The following DNAH11 variants were observed in gnomAD, a reference collection of about 807,000 sequenced individuals.
DNAH11 encodes the protein dynein axonemal heavy chain 11, also known as axonemal beta dynein heavy chain 11.
In DNAH11, 442 loss-of-function variants were observed where a neutral mutation model predicts 526.0. The ratio of observed to expected loss-of-function variants is 0.84; its 90% confidence interval spans 0.78 to 0.91. The LOEUF (loss-of-function observed/expected upper bound fraction) is 0.91, where lower values mean the gene tolerates loss of function less well. Among genes scored for constraint, DNAH11 ranks in the 40% least tolerant of loss-of-function variants. DNAH11 has a pLI of 0.00. For synonymous variants in DNAH11, 2,461 were observed against 1,935.9 expected (o/e 1.27, Z -7.12); for missense variants, 6,989 against 5,448.7 (o/e 1.28, Z -8.90).
intron 25 of DNAH11, among the ~76,000 whole-genome samples, chr7:21,634,975 CAAA>C (rs988585529): frequency 2.0e-5 from 3 of 151,906 alleles, no homozygotes; most frequent in Non-Finnish European, 4.4e-5. Flanking sequence ...ACATGAGAAA[CAAA>C]AACCACATTA....
chr7:21,622,646 C>T (rs1241278128), intron 25 of DNAH11, among the ~76,000 whole-genome samples: 1 of 152,034 alleles, frequency 6.6e-6, no homozygotes, highest in Non-Finnish European at 1.5e-5. Context: ...CAGAACAGAG[C>T]CCTCAGAAAT....
intron 20 of DNAH11, among the ~76,000 whole-genome samples, chr7:21,612,244 CA>C (rs969615863): frequency 6.6e-6 from 1 of 151,794 alleles, no homozygotes; most frequent in African/African-American, 2.4e-5. Context: ...AGTTAAAAAA[CA>C]AAAAAATTTC....
chr7:21,811,222 G>T (rs566103173), intron 63 of DNAH11, among the ~76,000 whole-genome samples: 8 of 152,264 alleles, frequency 5.3e-5, no homozygotes, highest in Admixed American at 5.2e-4. Context: ...CAGCACTTTG[G>T]GAGGCCATGG....
Position 21,736,618 on chromosome 7 carries a change from A to G in DNAH11, c.7645+774A>G, listed in dbSNP as rs534781113. On this transcript the variant is annotated intron_variant, in intron 46 of 81. Transcript: ENST00000409508. ...ATAAATGTTCTTACTCATTGACATC[A>G]TTAACAGCCAATAGTGATTTTTCCG... Among the ~76,000 whole-genome samples the G allele has an allele frequency of 7.9e-5, 12 of 152,356 alleles. No individual in the cohort carries two copies. The East Asian group carries it at 1.5e-3, about 20-fold the overall frequency.
intron 30 of DNAH11, among the ~76,000 whole-genome samples, chr7:21,661,212 A>G (rs1782230964): frequency 2.6e-5 from 4 of 152,060 alleles, no homozygotes; most frequent in African/African-American, 2.4e-5. Flanking sequence ...TGGGAGTGGT[A>G]TTATTATTTC....
In DNAH11 at chr7:21,808,043, A is replaced by G. The variant is rs749743114; in HGVS notation, c.10326A>G (p.Gln3442=). 8 of 1,532,924 alleles carry G rather than the reference A, an allele frequency of 5.2e-6. No individual in the cohort carries two copies. In the East Asian group the frequency reaches 9.3e-5, roughly 18 times the overall value. The allele number at this position is 1,532,924 out of a possible 1,614,324, so 95.0% of individuals were successfully genotyped here. The change falls in exon 63 of 82, where the codon CAA becomes CAG. Residue 3442 remains glutamine, a synonymous_variant. Transcript: ENST00000409508. ...ACTGCAAGTGGGTTCCCTTTCTTCA[A>G]CAGAAGGTAAGTTCAGTTCCTTACC... is the stretch of plus-strand genomic sequence containing the variant. ...LVHCKWVPFL[Q]QKVSIPLTEG... is the part of the protein sequence containing the mutation.
rs142314539 is a variant in DNAH11, at chr7:21,762,150, C to T, written c.8941-3278C>T. Among the ~76,000 whole-genome samples the T allele has an allele frequency of 3.4e-3, 523 of 152,212 alleles. 7 individuals are homozygous for T. The highest frequency in any genetic ancestry group is 0.012 in the African/African-American group (502 of 41,528). ...GTCGCCTCCCAGTTGGTCCCTCCCTCGACACATGAGGATTATGGGGATTTC... is the reference window on the plus strand; with the variant it reads ...GTCGCCTCCCAGTTGGTCCCTCCCTTGACACATGAGGATTATGGGGATTTC... On this transcript the variant is annotated intron_variant, in intron 54 of 81. Coordinates refer to ENST00000409508, the MANE Select transcript of DNAH11 (RefSeq NM_001277115.2).
At chr7:21,834,629 T>G (rs539692687) in intron 65 of DNAH11, among the ~76,000 whole-genome samples, 2 of 152,276 alleles carry the variant, frequency 1.3e-5, no homozygotes, top group East Asian at 3.9e-4. Flanking sequence ...GGACAGGAGT[T>G]TGAGATCAAC....
At chr7:21,872,583 A>ACCAAC (rs2128038262) in intron 73 of DNAH11, among the ~76,000 whole-genome samples, 1 of 152,326 alleles carries the variant, frequency 6.6e-6, no homozygotes, top group South Asian at 2.1e-4. Context: ...CTACCAAGCT[A>ACCAAC]TAACCTGTAG....
At chr7:21,667,163 A>G (rs1782453936) in intron 30 of DNAH11, among the ~76,000 whole-genome samples, 1 of 152,142 alleles carries the variant, frequency 6.6e-6, no homozygotes, top group Admixed American at 6.6e-5. Flanking sequence ...GGATAACTGT[A>G]GCAGCTTCTC....
intron 77 of DNAH11, among the ~76,000 whole-genome samples, chr7:21,894,049 T>C (rs1177809492): frequency 6.6e-6 from 1 of 152,106 alleles, no homozygotes; most frequent in Non-Finnish European, 1.5e-5. Flanking sequence ...CCAACATGCC[T>C]GGCTAATTTT....
chr7:21,862,869 C>T (rs1265000023), intron 69 of DNAH11, among the ~76,000 whole-genome samples: 1 of 152,034 alleles, frequency 6.6e-6, no homozygotes, highest in Non-Finnish European at 1.5e-5. Flanking sequence ...TTGAGACCAT[C>T]CTGGCTAACA....
intron 2 of DNAH11, among the ~76,000 whole-genome samples, chr7:21,551,349 C>T (rs1783015494): frequency 6.6e-6 from 1 of 152,176 alleles, no homozygotes; most frequent in Non-Finnish European, 1.5e-5. Flanking sequence ...TTTTTGATGA[C>T]CATTTACATG....
At chr7:21,846,123 C>A (rs114638464) in intron 66 of DNAH11, among the ~76,000 whole-genome samples, 1,577 of 152,224 alleles carry the variant, frequency 0.01, 33 homozygotes, top group African/African-American at 0.035. Context: ...TTGCAAGAGG[C>A]CTTACGTTCA....
At chr7:21,719,648 T>G (rs1784800996) in intron 43 of DNAH11, among the ~76,000 whole-genome samples, 1 of 152,202 alleles carries the variant, frequency 6.6e-6, no homozygotes, top group Admixed American at 6.5e-5. Flanking sequence ...TTGGCAAATG[T>G]GGCACAACAT....
intron 81 of DNAH11, 139 bp from the exon 82 acceptor site, chr7:21,900,868 G>C (rs1189014311): frequency 3.6e-6 from 5 of 1,391,600 alleles, no homozygotes; most frequent in Admixed American, 4.7e-5. Context: ...AGTCCGGCCA[G>C]CTCAGTAAAA....
chr7:21,704,338 T>A, intron 37 of DNAH11, 96 bp from the exon 38 acceptor site: 1 of 1,237,994 alleles, frequency 8.1e-7, no homozygotes, highest in Middle Eastern at 2.2e-4. Context: ...TATCTCATGC[T>A]TCACATATGA....
intron 61 of DNAH11, among the ~76,000 whole-genome samples, chr7:21,795,418 T>G (rs1788666899): frequency 6.6e-6 from 1 of 152,176 alleles, no homozygotes; most frequent in Non-Finnish European, 1.5e-5. Context: ...TTGATCAGTT[T>G]CCCTGTTATT....
chr7:21,750,334 C>G lies in DNAH11; in HGVS notation c.8910C>G (p.Phe2970Leu), dbSNP rs376094184. 2 of 1,605,410 alleles carry G rather than the reference C, an allele frequency of 1.2e-6. No individual in the cohort carries two copies. The highest frequency in any genetic ancestry group is 1.7e-6 in the Non-Finnish European group (2 of 1,175,904). Residue 2970 changes from phenylalanine to leucine, a missense_variant, in exon 54 of 82, where the codon TTC becomes TTG. By Grantham distance (22) the Phe-to-Leu change is conservative. Coordinates refer to ENST00000409508, the MANE Select transcript of DNAH11 (RefSeq NM_001277115.2). ...ACTCCAGGGAAAACTGTTGGAAATT[C>G]TTTATGGCCAGGGTGCGACTACAGC... ...MVDSRENCWK[F>L]FMARVRLQLK...
Sources: gnomAD v4.1 joint callset for allele counts (sites outside exome capture counted in the v4.1 genomes callset) on GRCh38, gnomAD v4.1.1 for gene constraint, MANE v1.5 for transcripts, NCBI Gene and HGNC (gene_info 2026-07-23, HGNC 2026-07-21) for gene names.